The following SPINK5 variants were observed in gnomAD, a reference collection of about 807,000 sequenced individuals.
SPINK5 encodes the protein serine protease inhibitor Kazal-type 5.
Under a neutral mutation model 151.8 loss-of-function variants are expected in SPINK5, and 125 were observed. That is an observed-to-expected ratio of 0.82 (90% CI 0.71 to 0.96). The LOEUF (loss-of-function observed/expected upper bound fraction) is 0.96, where lower values mean the gene tolerates loss of function less well. Ranked by LOEUF, SPINK5 falls within the 40% of genes least tolerant of loss-of-function variation. SPINK5 has a pLI of 0.00. For missense variants in SPINK5, 1,194 were observed against 1,291.9 expected (o/e 0.92, Z 1.16); for synonymous variants, 374 against 395.3 (o/e 0.95, Z 0.64).
chr5:148,097,765 A>G (rs1279012467), intron 10 of SPINK5, 102 bp from the exon 11 acceptor site: 1 of 1,311,102 alleles, frequency 7.6e-7, no homozygotes. Flanking sequence ...TAAAAGTTTT[A>G]TTTTTCATCC....
Position 148,101,802 on chromosome 5 carries a change from A to G in SPINK5, c.1324A>G (p.Lys442Glu). The G allele has an allele frequency of 6.2e-7, 1 of 1,613,750 alleles. No individual in the cohort carries two copies. Among genetic ancestry groups the G allele is most frequent in the Non-Finnish European group, 8.5e-7 (1 of 1,179,752 alleles). The change falls in exon 15 of 33, where the codon AAA (lysine) becomes GAA (glutamate). Residue 442 changes from lysine to glutamate, a missense_variant. Transcript: ENST00000256084. Reference protein sequence around the residue: ...SFEELCSEYRKSRKNGRLFCT... With the variant: ...SFEELCSEYRESRKNGRLFCT... ...ACAGGAGTTGTGTAGTGAATACCGC[A>G]AATCCAGGAAAAACGGACGGCTTTT... is the stretch of plus-strand genomic sequence containing the variant.
rs79966756 is a variant in SPINK5, at chr5:148,099,475, T to A, written c.1092+160T>A. On this transcript the variant is annotated intron_variant, in intron 12 of 32. Coordinates refer to ENST00000256084, the MANE Select transcript of SPINK5 (RefSeq NM_006846.4). Reference sequence around the variant, plus strand: ...TGAATTATATGGGAAGATTGATCCATTCTTGCTGATTAAAAACTAACTCTG... The same window carrying A: ...TGAATTATATGGGAAGATTGATCCAATCTTGCTGATTAAAAACTAACTCTG... Among the ~76,000 whole-genome samples, 2,492 of 146,066 alleles carry A rather than the reference T, an allele frequency of 0.017. 56 individuals carry two copies. The highest frequency in any genetic ancestry group is 0.061 in the African/African-American group (2,365 of 38,900).
At chr5:148,069,875 G>A (rs1393910859) in intron 2 of SPINK5, among the ~76,000 whole-genome samples, 1 of 152,008 alleles carries the variant, frequency 6.6e-6, no homozygotes, top group Non-Finnish European at 1.5e-5. Context: ...ATTTAACACT[G>A]TTAAAATTTC....
intron 15 of SPINK5, among the ~76,000 whole-genome samples, chr5:148,103,879 G>T (rs1753712173): frequency 6.6e-6 from 1 of 152,108 alleles, no homozygotes. Context: ...CACAAATTAT[G>T]TAATTTTTTT....
chr5:148,116,382 TGAGGAAAGAAA>T lies in SPINK5; in HGVS notation c.2039_2049del (p.Lys680ArgfsTer26). 1.2e-6 allele frequency: 2 copies of T among 1,613,694 alleles called. No homozygotes were observed. The highest frequency in any genetic ancestry group is 1.7e-6 in the Non-Finnish European group (2 of 1,179,886). On this transcript the variant is annotated frameshift_variant, in exon 22 of 33. Transcript: ENST00000256084. LOFTEE classifies it high-confidence loss of function. Reference sequence around the variant, plus strand: ...TTCTAATTTCCAGCCAGAAAGAAAATGAGGAAAGAAAGAGGAAAGAAGAGGAAGATCAGAGA... The same window carrying T: ...TTCTAATTTCCAGCCAGAAAGAAAATGAGGAAAGAAGAGGAAGATCAGAGA...
chr5:148,073,466 A>C (rs1368015085), intron 4 of SPINK5, among the ~76,000 whole-genome samples: 1 of 151,808 alleles, frequency 6.6e-6, no homozygotes, highest in Admixed American at 6.6e-5. Flanking sequence ...TATTCTACAA[A>C]ATCTGTGGGG....
chr5:148,091,366 A>C, intron 8 of SPINK5, 138 bp downstream of exon 8: 1 of 733,456 alleles, frequency 1.4e-6, no homozygotes, highest in South Asian at 1.8e-5. Flanking sequence ...AAAATTCCCC[A>C]AATTGACTAT....
chr5:148,109,622 C>G (rs1314444464), intron 18 of SPINK5, among the ~76,000 whole-genome samples: 1 of 151,876 alleles, frequency 6.6e-6, no homozygotes, highest in African/African-American at 2.4e-5. Context: ...GCCCATGATG[C>G]ACTTTAGATT....
At chr5:148,085,612 G>A (rs1284173566) in intron 4 of SPINK5, among the ~76,000 whole-genome samples, 1 of 151,872 alleles carries the variant, frequency 6.6e-6, no homozygotes, top group Non-Finnish European at 1.5e-5. Flanking sequence ...GCAGGTCTGA[G>A]ACTTGAACAC....
chr5:148,087,508 T>C (rs1199992008), intron 5 of SPINK5, among the ~76,000 whole-genome samples: 1 of 151,852 alleles, frequency 6.6e-6, no homozygotes, highest in Non-Finnish European at 1.5e-5. Flanking sequence ...CAGGATGGTA[T>C]TTTCAGAAAT....
At chr5:148,128,350 C>T (rs1346299158) in intron 30 of SPINK5, among the ~76,000 whole-genome samples, 1 of 151,980 alleles carries the variant, frequency 6.6e-6, no homozygotes, top group Non-Finnish European at 1.5e-5. Context: ...ATATCATCAG[C>T]AGACCAGTAG....
chr5:148,124,745 T>C lies in SPINK5; in HGVS notation c.2667-20T>C, dbSNP rs1294315562. 1.9e-6 allele frequency: 3 copies of C among 1,546,200 alleles called. No individual in the cohort carries two copies. In the African/African-American group the frequency reaches 4.2e-5, roughly 21 times the overall value. On this transcript the variant is annotated intron_variant, in intron 27 of 32. Coordinates refer to ENST00000256084, the MANE Select transcript of SPINK5 (RefSeq NM_006846.4). ...AACCCTTGAAAAATTACCCTATCTT[T>C]TTTTTTAATTATTCTGCAGTGATCG...
chr5:148,118,399 A>C, intron 22 of SPINK5, 38 bp from the exon 23 acceptor site: 1 of 1,613,368 alleles, frequency 6.2e-7, no homozygotes, highest in South Asian at 1.1e-5. Flanking sequence ...ACAGTAGACT[A>C]AGTAATCCAG....
rs1484547857 is a variant in SPINK5 at position 148,072,702 on chromosome 5, GCA to G, written c.282+483_282+484del. On this transcript the variant is annotated intron_variant, in intron 4 of 32. Transcript: ENST00000256084. ...CTCAGGGTTTAACATGTTCTAGCAG[GCA>G]TTTGACTCATTCTGTTTCCTTTTTC... Among the ~76,000 whole-genome samples, 5 of 87,220 alleles carry G rather than the reference GCA, an allele frequency of 5.7e-5. No individual in the cohort carries two copies. The South Asian group carries it at 2.5e-3, about 43-fold the overall frequency. The allele number at this position is 87,220 out of a possible 152,430, so 57.2% of individuals were successfully genotyped here.
chr5:148,089,402 G>A lies in SPINK5; in HGVS notation c.475-92G>A, dbSNP rs1296246474. ...ACTGCTCTAAGTGGCCCATAGCAATGTCAGAGGGACTGAGTTCAATAAAAT... is the reference window on the plus strand; with the variant it reads ...ACTGCTCTAAGTGGCCCATAGCAATATCAGAGGGACTGAGTTCAATAAAAT... On this transcript the variant is annotated intron_variant, in intron 6 of 32. Coordinates refer to ENST00000256084, the MANE Select transcript of SPINK5 (RefSeq NM_006846.4). 4 of 1,577,940 alleles carry A rather than the reference G, an allele frequency of 2.5e-6. No homozygotes were observed. The African/African-American group carries it at 5.4e-5, about 21-fold the overall frequency.
rs1254762561 is a variant in SPINK5 at position 148,097,878 on chromosome 5, T to G, written c.894T>G (p.Ser298Arg). The change falls in exon 11 of 33, where the codon AGT becomes AGG. Residue 298 changes from serine (S) to arginine (R), a missense_variant. Physicochemically the swap from Ser to Arg is moderately radical, Grantham distance 110. Transcript: ENST00000256084. ...TATTCATTATTCAGAAACTCTGCAG[T>G]CAATATCAAAATCAGGCAAAGAATG... Reference protein sequence around the residue: ...KVKREIVKLCSQYQNQAKNGI... With the variant: ...KVKREIVKLCRQYQNQAKNGI... 6.2e-7 allele frequency: 1 copy of G among 1,609,782 alleles called. No homozygotes were observed. The highest frequency in any genetic ancestry group is 1.7e-5 in the Admixed American group (1 of 59,842).
intron 30 of SPINK5, among the ~76,000 whole-genome samples, 154 bp downstream of exon 30, chr5:148,127,233 G>C (rs906072305): frequency 1.4e-4 from 22 of 152,122 alleles, no homozygotes; most frequent in African/African-American, 5.1e-4. Context: ...TTTATGCTTG[G>C]TGAGAGTTCT....
chr5:148,097,791 T>TA, intron 10 of SPINK5, 76 bp from the exon 11 acceptor site: 1 of 1,485,956 alleles, frequency 6.7e-7, no homozygotes, highest in Non-Finnish European at 9.2e-7. Flanking sequence ...TTCTCTTTTT[T>TA]CTTTGTAAAA....
intron 13 of SPINK5, 102 bp from the exon 14 acceptor site, chr5:148,101,253 A>G (rs1186045012): frequency 1.2e-5 from 10 of 865,730 alleles, no homozygotes; most frequent in Non-Finnish European, 1.9e-5. Flanking sequence ...CATTCAAAGA[A>G]TTTAATCGTT....
Sources: allele counts gnomAD v4.1 joint callset (sites outside exome capture counted in the v4.1 genomes callset), GRCh38; gene constraint gnomAD v4.1.1; transcripts MANE v1.5; gene names NCBI Gene and HGNC (gene_info 2026-07-23, HGNC 2026-07-21).